The following MSI2 variants were observed in gnomAD, a reference collection of about 807,000 sequenced individuals.
MSI2 encodes the protein musashi RNA binding protein 2, also known as RNA-binding protein Musashi homolog 2.
A neutral mutation model predicts 45.6 loss-of-function variants in MSI2; 17 were observed. The ratio of observed to expected loss-of-function variants is 0.37; its 90% CI spans 0.26 to 0.56. The LOEUF (loss-of-function observed/expected upper bound fraction) is 0.56. MSI2 is among the 20% of genes least tolerant of loss of function. MSI2 has a pLI of 0.77. For synonymous variants in MSI2, 156 were observed against 158.2 expected, an observed-to-expected ratio of 0.99 and a Z score of 0.11; for missense variants, 293 against 444.2, an observed-to-expected ratio of 0.66 and a Z score of 3.06.
intron 6 of MSI2, among the ~76,000 whole-genome samples, chr17:57,415,367 G>A (rs1452496485): frequency 6.6e-6 from 1 of 151,876 alleles, no homozygotes; most frequent in Non-Finnish European, 1.5e-5. Flanking sequence ...CCAGACTGTC[G>A]GGAATTATGT....
At chr17:57,575,132 A>G (rs1470445499) in intron 7 of MSI2, among the ~76,000 whole-genome samples, 1 of 146,070 alleles carries the variant, frequency 6.8e-6, no homozygotes, top group African/African-American at 2.6e-5. Flanking sequence ...GCCCGGCCGC[A>G]TTCTCTTTTT....
intron 5 of MSI2, among the ~76,000 whole-genome samples, chr17:57,396,430 C>CAT (rs767296233): frequency 5.3e-5 from 8 of 151,424 alleles, no homozygotes; most frequent in Non-Finnish European, 1.0e-4. Context: ...CACACACACA[C>CAT]ACACATCCCA....
intron 10 of MSI2, among the ~76,000 whole-genome samples, chr17:57,636,551 C>T (rs1279347251): frequency 6.6e-6 from 1 of 152,188 alleles, no homozygotes; most frequent in African/African-American, 2.4e-5. Flanking sequence ...CCTGCCTTGG[C>T]GTCTCCTGTG....
At chr17:57,349,389 A>G (rs1381961673) in intron 5 of MSI2, among the ~76,000 whole-genome samples, 1 of 152,220 alleles carries the variant, frequency 6.6e-6, no homozygotes, top group Non-Finnish European at 1.5e-5. Flanking sequence ...ACGAATGCTC[A>G]TGAGAAGCGT....
At chr17:57,555,605 A>G (rs1386350830) in intron 7 of MSI2, among the ~76,000 whole-genome samples, 1 of 149,888 alleles carries the variant, frequency 6.7e-6, no homozygotes, top group Admixed American at 6.6e-5. Flanking sequence ...TCCCTCCTGA[A>G]CCCCCTGAGC....
In MSI2 at chr17:57,577,904, T is replaced by C. The variant is rs951900770; in HGVS notation, c.455-18964T>C. Among the ~76,000 whole-genome samples the C allele has an allele frequency of 5.9e-5, 9 of 152,274 alleles. No homozygotes were observed. In the South Asian group the frequency reaches 1.2e-3, roughly 21 times the overall value. ...AGGTCACTGGGTACTCCAGAGGCAT[T>C]GTTGATAATAACATCTCTTTCCTCC... On this transcript the variant is annotated intron_variant, in intron 7 of 13. Transcript: ENST00000284073.
intron 7 of MSI2, among the ~76,000 whole-genome samples, chr17:57,582,015 G>A (rs1285076871): frequency 2.0e-5 from 3 of 152,170 alleles, no homozygotes; most frequent in Non-Finnish European, 2.9e-5. Context: ...ATGCCTCTCA[G>A]CACTGTGTGC....
chr17:57,355,126 G>A (rs573651498), intron 5 of MSI2, among the ~76,000 whole-genome samples: 95 of 152,218 alleles, frequency 6.2e-4, no homozygotes, highest in Middle Eastern at 3.4e-3. Flanking sequence ...CCAGGGCTCC[G>A]GTGATGTCAC....
At chr17:57,667,067 C>G (rs1451611461) in intron 11 of MSI2, among the ~76,000 whole-genome samples, 1 of 152,152 alleles carries the variant, frequency 6.6e-6, no homozygotes, top group Non-Finnish European at 1.5e-5. Flanking sequence ...TCTGGTATCA[C>G]CCAACAGGGG....
At chr17:57,404,873 C>T (rs778302440) in intron 6 of MSI2, among the ~76,000 whole-genome samples, 3 of 152,104 alleles carry the variant, frequency 2.0e-5, no homozygotes, top group African/African-American at 4.8e-5. Context: ...CCAGAAAACA[C>T]ACCCCCTCTC....
In MSI2 at chr17:57,652,794, C is replaced by T. The variant is rs1911268223; in HGVS notation, c.790+633C>T. ...GCTCCAGTCCTTCTGTCTCCAAAGC[C>T]AACCTTTTGGAGGTCTGGAACCCCT... On this transcript the variant is annotated intron_variant, in intron 11 of 13. Coordinates refer to ENST00000284073, the MANE Select transcript of MSI2 (RefSeq NM_138962.4). This position sits in a 1 kb window ranked among gnomAD's most constrained non-coding sequence, Gnocchi z 4.1. 6.6e-6 allele frequency among the ~76,000 whole-genome samples: 1 copy of T among 152,268 alleles called. No homozygotes were observed. Among genetic ancestry groups the T allele is most frequent in the Admixed American group, 6.5e-5 (1 of 15,292 alleles).
chr17:57,429,004 C>T (rs2084545329), intron 6 of MSI2, among the ~76,000 whole-genome samples: 1 of 152,162 alleles, frequency 6.6e-6, no homozygotes, highest in Admixed American at 6.5e-5. Flanking sequence ...AGGAGAAGAT[C>T]CCCCACGCTT....
intron 6 of MSI2, among the ~76,000 whole-genome samples, chr17:57,470,060 C>T (rs910421091): frequency 2.0e-5 from 3 of 152,164 alleles, no homozygotes; most frequent in Non-Finnish European, 4.4e-5. Flanking sequence ...TGCTGCCTCC[C>T]CCAGGAAGCC....
chr17:57,594,769 A>G (rs1057308669), intron 7 of MSI2, among the ~76,000 whole-genome samples: 3 of 152,198 alleles, frequency 2.0e-5, no homozygotes, highest in African/African-American at 7.2e-5. Context: ...CCTCTGAGGT[A>G]ACTGAGAACC....
chr17:57,306,501 G>T (rs551741149), intron 5 of MSI2, among the ~76,000 whole-genome samples: 1 of 152,072 alleles, frequency 6.6e-6, no homozygotes, highest in South Asian at 2.1e-4. Context: ...GTAGATTCTG[G>T]AGTTCCCATC....
intron 7 of MSI2, among the ~76,000 whole-genome samples, chr17:57,592,372 C>T (rs1904920465): frequency 6.6e-6 from 1 of 152,134 alleles, no homozygotes; most frequent in Non-Finnish European, 1.5e-5. Flanking sequence ...CACTAAGTTA[C>T]TAATTCATTG....
intron 5 of MSI2, among the ~76,000 whole-genome samples, chr17:57,331,466 G>A (rs1404540251): frequency 6.6e-6 from 1 of 152,204 alleles, no homozygotes; most frequent in Non-Finnish European, 1.5e-5. Context: ...AAATATGTGA[G>A]ATGAGTCGGA....
At chr17:57,586,556 C>T (rs1419924584) in intron 7 of MSI2, among the ~76,000 whole-genome samples, 2 of 151,878 alleles carry the variant, frequency 1.3e-5, no homozygotes, top group African/African-American at 4.8e-5. Context: ...TAAAGTGGAA[C>T]TTAATTGCTT....
At chr17:57,276,864 A>G (rs940444577) in intron 5 of MSI2, among the ~76,000 whole-genome samples, 2 of 151,958 alleles carry the variant, frequency 1.3e-5, no homozygotes, top group Non-Finnish European at 2.9e-5. Flanking sequence ...CTGGCTCCCA[A>G]GTTTTCCCAG....
Sources: gnomAD v4.1 joint callset for allele counts (sites outside exome capture counted in the v4.1 genomes callset) on GRCh38, gnomAD v4.1.1 for gene constraint, Gnocchi (gnomAD v3.1) non-coding constraint, MANE v1.5 for transcripts, NCBI Gene and HGNC (gene_info 2026-07-23, HGNC 2026-07-21) for gene names.